The following CASK variants were observed in gnomAD, a reference collection of about 807,000 sequenced individuals.
CASK encodes peripheral plasma membrane protein CASK.
CASK carries 4 observed loss-of-function variants against 82.9 expected under a neutral mutation model. The observed-to-expected ratio is 0.05, with a 90% CI of 0.02 to 0.11. The LOEUF (loss-of-function observed/expected upper bound fraction) is 0.11, where lower values mean the gene tolerates loss of function less well. Among genes scored for constraint, CASK ranks in the 10% least tolerant of loss-of-function variants. The pLI is 1.00. For synonymous variants in CASK, 259 were observed against 253.5 expected (o/e 1.02, Z -0.20); for missense variants, 358 against 720.9 (o/e 0.50, Z 5.76).
chrX:41,588,966 T>A (rs947568211), intron 13 of CASK, among the ~76,000 whole-genome samples: 2 of 111,995 alleles, frequency 1.8e-5, no homozygotes, highest in African/African-American at 6.5e-5. Context: ...GAAAACGATA[T>A]ATAAAAATGG....
At chrX:41,654,526 A>G (rs1333790346) in intron 8 of CASK, among the ~76,000 whole-genome samples, 1 of 110,530 alleles carries the variant, frequency 9.0e-6, no homozygotes, top group Non-Finnish European at 1.9e-5. Context: ...CAAAAAAATT[A>G]GCCAGGCATG....
chrX:41,921,042 C>A (rs1160452393), intron 1 of CASK, among the ~76,000 whole-genome samples: 1 of 112,075 alleles, frequency 8.9e-6, no homozygotes, highest in African/African-American at 3.2e-5. Context: ...CTCTCTAGAA[C>A]TGTGCTATTC....
chrX:41,563,902 C>T (rs1221105904), intron 16 of CASK, among the ~76,000 whole-genome samples: 4 of 111,322 alleles, frequency 3.6e-5, no homozygotes, highest in Admixed American at 2.9e-4. Context: ...TAAAATCTCT[C>T]GGAGAACTGA....
chrX:41,748,299 G>A lies in CASK; in HGVS notation c.279-2698C>T, dbSNP rs147262124. Reference sequence around the variant, plus strand: ...AAACACCAGGTTCTTATTAGGTTGTGCTCCAAAGTTACTGTCCAGTTTCTA... The same window carrying A: ...AAACACCAGGTTCTTATTAGGTTGTACTCCAAAGTTACTGTCCAGTTTCTA... On this transcript the variant is annotated intron_variant, in intron 3 of 26. Transcript: ENST00000378163. 152 of 128,331 alleles carry A rather than the reference G, an allele frequency of 1.2e-3. 1 individual carries two copies. Among genetic ancestry groups the A allele is most frequent in the African/African-American group, 4.7e-3 (145 of 31,169 alleles). The allele number at this position is 128,331 out of a possible 1,213,427, so 10.6% of individuals were successfully genotyped here. A position where few individuals can be genotyped will look rare whatever the true frequency, so the allele number is the denominator to read the frequency against.
intron 11 of CASK, among the ~76,000 whole-genome samples, chrX:41,612,683 G>A (rs1279168989): frequency 1.2e-5 from 1 of 82,772 alleles, no homozygotes; most frequent in Non-Finnish European, 2.3e-5. Context: ...CCGGCCAGCC[G>A]CCCCGTCCGG....
At chrX:41,652,169 G>C (rs2066874486) in intron 8 of CASK, among the ~76,000 whole-genome samples, 1 of 111,362 alleles carries the variant, frequency 9.0e-6, no homozygotes. Flanking sequence ...TGTGCCTGCA[G>C]TCTGAAGAAC....
At chrX:41,600,736 T>C (rs1390610503) in intron 12 of CASK, among the ~76,000 whole-genome samples, 5 of 112,276 alleles carry the variant, frequency 4.5e-5, no homozygotes, top group Non-Finnish European at 9.4e-5. Context: ...AAGATTTAAC[T>C]TGCATCCTAG....
chrX:41,803,041 C>CA (rs1277985063), intron 2 of CASK, among the ~76,000 whole-genome samples: 1 of 110,209 alleles, frequency 9.1e-6, no homozygotes, highest in Non-Finnish European at 1.9e-5. Context: ...ACCAAAAAAG[C>CA]AAAAAAACAA....
At chrX:41,852,191 T>C (rs2147969478) in intron 2 of CASK, among the ~76,000 whole-genome samples, 1 of 111,272 alleles carries the variant, frequency 9.0e-6, no homozygotes, top group East Asian at 2.8e-4. Flanking sequence ...ACAAAAGTAT[T>C]TAAAAGAAAA....
intron 1 of CASK, among the ~76,000 whole-genome samples, chrX:41,863,699 CT>C (rs2071536585): frequency 1.8e-5 from 2 of 112,192 alleles, no homozygotes; most frequent in Non-Finnish European, 1.9e-5. Context: ...AGAGAAACAA[CT>C]TTTTTGAAAT....
intron 3 of CASK, among the ~76,000 whole-genome samples, chrX:41,783,906 C>A (rs904773570): frequency 8.9e-6 from 1 of 111,816 alleles, no homozygotes; most frequent in Non-Finnish European, 1.9e-5. Context: ...GGGGACTCTT[C>A]CAGCAGAATA....
At chrX:41,841,918 G>A (rs1332425482) in intron 2 of CASK, among the ~76,000 whole-genome samples, 1 of 111,833 alleles carries the variant, frequency 8.9e-6, no homozygotes, top group East Asian at 2.8e-4. Flanking sequence ...TTGTGCTTTA[G>A]GTGTAATAAT....
chrX:41,713,934 C>A (rs1433850685), intron 5 of CASK, among the ~76,000 whole-genome samples: 1 of 111,317 alleles, frequency 9.0e-6, no homozygotes, highest in East Asian at 2.8e-4. Context: ...GTGTATTTAT[C>A]CCAGTTAGGA....
chrX:41,725,283 A>G (rs2068239758), intron 5 of CASK, among the ~76,000 whole-genome samples: 2 of 112,022 alleles, frequency 1.8e-5, no homozygotes, highest in Admixed American at 1.9e-4. Context: ...TAAAATTATA[A>G]TATCATATTT....
At chrX:41,613,691 T>C (rs1417601191) in intron 11 of CASK, among the ~76,000 whole-genome samples, 1 of 105,477 alleles carries the variant, frequency 9.5e-6, no homozygotes, top group Non-Finnish European at 2.0e-5. Context: ...AAACTGTATA[T>C]TCCCAGTTAC....
chrX:41,776,575 T>C (rs1300349435), intron 3 of CASK, among the ~76,000 whole-genome samples: 1 of 112,155 alleles, frequency 8.9e-6, no homozygotes, highest in Admixed American at 9.5e-5. Flanking sequence ...ATCCAAATGA[T>C]TCTACAGATT....
intron 3 of CASK, among the ~76,000 whole-genome samples, chrX:41,756,232 T>G (rs2068892262): frequency 8.9e-6 from 1 of 111,885 alleles, no homozygotes; most frequent in African/African-American, 3.3e-5. Context: ...AACAGCACAG[T>G]AGAACATAAC....
rs1160903407 is a variant in CASK at position 41,515,469 on chromosome X, A to C, written c.*4951T>G. ...ACAGAAAAAAGAACACGTTGGCAAA[A>C]CTTTATGCAAAACCACCCCAGAACT... is the stretch of plus-strand genomic sequence containing the variant. On this transcript the variant is annotated 3_prime_UTR_variant, in exon 27 of 27. Transcript: ENST00000378163. The C allele has an allele frequency of 8.9e-6, 1 of 112,174 alleles. No homozygotes were observed. Among genetic ancestry groups the C allele is most frequent in the Non-Finnish European group, 1.9e-5 (1 of 53,241 alleles). The allele number at this position is 112,174 out of a possible 1,213,427, so 9.2% of individuals were successfully genotyped here. A position where few individuals can be genotyped will look rare whatever the true frequency, so the allele number is the denominator to read the frequency against.
intron 1 of CASK, among the ~76,000 whole-genome samples, chrX:41,912,809 A>T (rs1030190001): frequency 3.6e-4 from 32 of 89,570 alleles, no homozygotes; most frequent in South Asian, 9.3e-4. Context: ...TATATATATA[A>T]AATATATATA....
Sources: gnomAD v4.1 joint callset for allele counts (sites outside exome capture counted in the v4.1 genomes callset) on GRCh38, gnomAD v4.1.1 for gene constraint, MANE v1.5 for transcripts, NCBI Gene and HGNC (gene_info 2026-07-23, HGNC 2026-07-21) for gene names.